NDST3: variants seen among roughly 807,000 people sequenced by gnomAD.
NDST3 encodes the protein bifunctional heparan sulfate N-deacetylase/N-sulfotransferase 3.
NDST3 carries 58 observed loss-of-function variants against 96.1 expected under a neutral mutation model. The observed-to-expected ratio is 0.60, with a 90% confidence interval of 0.49 to 0.75. NDST3 has a LOEUF of 0.75. Among genes scored for constraint, NDST3 ranks in the 30% least tolerant of loss-of-function variants. The pLI, the probability that NDST3 is intolerant of heterozygous loss-of-function variation, is 0.00. For missense variants in NDST3, 788 were observed against 1,034.2 expected, an observed-to-expected ratio of 0.76 and a Z score of 3.27; for synonymous variants, 333 against 359.7, an observed-to-expected ratio of 0.93 and a Z score of 0.84.
chr4:118,057,586 T>C (rs1197060721), intron 2 of NDST3, among the ~76,000 whole-genome samples: 1 of 151,998 alleles, frequency 6.6e-6, no homozygotes, highest in African/African-American at 2.4e-5. Flanking sequence ...ACCAGGAAGC[T>C]GAGATGCTAT....
At chr4:118,253,743 G>A in intron 13 of NDST3, 142 bp downstream of exon 13, 2 of 563,096 alleles carry the variant, frequency 3.6e-6, no homozygotes. Flanking sequence ...GTACAGGTAG[G>A]TTGCTTATTT....
intron 7 of NDST3, among the ~76,000 whole-genome samples, chr4:118,225,718 T>C (rs187968370): frequency 1.3e-5 from 2 of 152,330 alleles, no homozygotes; most frequent in East Asian, 1.9e-4. Flanking sequence ...TTATACTCAA[T>C]GCATTCAGCT....
Position 118,054,551 on chromosome 4 carries a change from C to G in NDST3, c.641C>G (p.Ser214Cys). 1 of 1,613,350 alleles carries G rather than the reference C, an allele frequency of 6.2e-7. No individual in the cohort carries two copies. Among genetic ancestry groups the G allele is most frequent in the Non-Finnish European group, 8.5e-7 (1 of 1,179,490 alleles). Residue 214 changes from serine to cysteine, a missense_variant, in exon 2 of 14, where the codon TCT (serine) becomes TGT (cysteine). Transcript: ENST00000296499. The stretch of plus-strand genomic sequence containing the variant: ...AAATCTTCCAAGCTTGAAAAAGGTT[C>G]TTTACCTGGAACTGACTGGACAGTT... The part of the protein sequence containing the change: ...VTKSSKLEKG[S>C]LPGTDWTVFQ...
At chr4:118,069,559 A>G (rs1026251158) in intron 2 of NDST3, among the ~76,000 whole-genome samples, 42 of 152,142 alleles carry the variant, frequency 2.8e-4, no homozygotes, top group African/African-American at 9.6e-4. Flanking sequence ...TGTAATGAAA[A>G]TAATTAATAT....
intron 2 of NDST3, among the ~76,000 whole-genome samples, chr4:118,096,422 T>A (rs1729308448): frequency 6.6e-6 from 1 of 151,870 alleles, no homozygotes; most frequent in African/African-American, 2.4e-5. Context: ...CCAAAACTGA[T>A]AACCTGATTA....
chr4:118,088,021 A>C (rs1728570918), intron 2 of NDST3, among the ~76,000 whole-genome samples: 1 of 152,040 alleles, frequency 6.6e-6, no homozygotes, highest in Admixed American at 6.6e-5. Context: ...TTTGGTTTCA[A>C]TTTCCACCTT....
At chr4:118,239,883 G>A (rs1447016938) in intron 10 of NDST3, among the ~76,000 whole-genome samples, 1 of 145,252 alleles carries the variant, frequency 6.9e-6, no homozygotes, top group Non-Finnish European at 1.5e-5. Flanking sequence ...GCCTAAGCCT[G>A]AGCAATCCTG....
Position 118,255,839 on chromosome 4 carries a change from T to C in NDST3, c.*127T>C, listed in dbSNP as rs1032757900. On this transcript the variant is annotated 3_prime_UTR_variant, in exon 14 of 14. Coordinates refer to ENST00000296499, the MANE Select transcript of NDST3 (RefSeq NM_004784.3). Reference sequence around the variant, plus strand: ...TGAGAAAAAAGAACAGTTTCTTCCATGTGCTGGCACGTGGATGATTAGAAA... The same window carrying C: ...TGAGAAAAAAGAACAGTTTCTTCCACGTGCTGGCACGTGGATGATTAGAAA... 2.2e-5 allele frequency: 24 copies of C among 1,102,308 alleles called. No homozygotes were observed. Among genetic ancestry groups the C allele is most frequent in the Non-Finnish European group, 3.0e-5 (24 of 799,748 alleles). 68.3% of individuals were successfully genotyped at this position (1,102,308 alleles called of 1,614,324 possible). A position where few individuals can be genotyped will look rare whatever the true frequency, so the allele number is the denominator to read the frequency against.
At chr4:118,095,129 G>T (rs1729188204) in intron 2 of NDST3, among the ~76,000 whole-genome samples, 1 of 151,862 alleles carries the variant, frequency 6.6e-6, no homozygotes, top group Non-Finnish European at 1.5e-5. Flanking sequence ...CACCAAAGAG[G>T]TTATGTGTAA....
rs1446469120 is a variant in NDST3 at position 118,237,085 on chromosome 4, C to G, written c.1983C>G (p.Thr661=). 2.5e-6 allele frequency: 4 copies of G among 1,611,164 alleles called. No homozygotes were observed. In the African/African-American group the frequency reaches 4.0e-5, roughly 16 times the overall value. ...DFFPVPSNVT[T]DFLFEKSANY... ...TCCCAGTCCCATCTAATGTCACTAC[C>G]GACTTTTTGTTTGAGAAGAGTGCCA... The change falls in exon 10 of 14, where the codon ACC becomes ACG. Residue 661 remains threonine, a synonymous_variant. Transcript: ENST00000296499.
intron 2 of NDST3, among the ~76,000 whole-genome samples, chr4:118,103,089 T>C (rs1729893238): frequency 6.6e-6 from 1 of 152,104 alleles, no homozygotes; most frequent in African/African-American, 2.4e-5. Context: ...ATAGTTTTTC[T>C]TATCAAGTTT....
chr4:118,186,406 T>C (rs1258969281), intron 6 of NDST3, among the ~76,000 whole-genome samples: 1 of 152,154 alleles, frequency 6.6e-6, no homozygotes, highest in African/African-American at 2.4e-5. Context: ...TCACAAGGTC[T>C]CACAATAGGC....
intron 6 of NDST3, among the ~76,000 whole-genome samples, chr4:118,166,061 T>C (rs1735528086): frequency 6.6e-6 from 1 of 150,722 alleles, no homozygotes; most frequent in Non-Finnish European, 1.5e-5. Context: ...AAGGAAACAA[T>C]AAAGATTAGA....
At chr4:118,115,054 C>T (rs1730971708) in intron 4 of NDST3, 94 bp downstream of exon 4, 3 of 1,325,406 alleles carry the variant, frequency 2.3e-6, no homozygotes, top group Non-Finnish European at 3.1e-6. Flanking sequence ...TTTTCAGTGG[C>T]TTTTCCATAT....
intron 4 of NDST3, among the ~76,000 whole-genome samples, chr4:118,134,708 G>A (rs1732929464): frequency 6.6e-6 from 1 of 152,104 alleles, no homozygotes; most frequent in South Asian, 2.1e-4. Context: ...GCTGAGATGT[G>A]GAAATCATGA....
intron 4 of NDST3, among the ~76,000 whole-genome samples, chr4:118,137,242 A>C (rs1173114972): frequency 6.6e-6 from 1 of 152,262 alleles, no homozygotes; most frequent in Non-Finnish European, 1.5e-5. Flanking sequence ...CAGAAAAATA[A>C]AAAATAACTT....
chr4:118,167,417 C>A (rs547219348), intron 6 of NDST3, among the ~76,000 whole-genome samples: 1 of 151,896 alleles, frequency 6.6e-6, no homozygotes, highest in Admixed American at 6.6e-5. Flanking sequence ...AAAGAAGATA[C>A]AAATAAATGG....
intron 3 of NDST3, among the ~76,000 whole-genome samples, chr4:118,111,305 A>C (rs1730615643): frequency 6.6e-6 from 1 of 152,066 alleles, no homozygotes; most frequent in East Asian, 1.9e-4. Flanking sequence ...TGTCCCCCCG[A>C]ATCTAAAATA....
intron 6 of NDST3, among the ~76,000 whole-genome samples, chr4:118,178,407 C>T (rs1258114770): frequency 6.6e-6 from 1 of 151,998 alleles, no homozygotes; most frequent in African/African-American, 2.4e-5. Context: ...ATTCCAGGTA[C>T]CTCACTTAAG....
Sources: gnomAD v4.1 joint callset for allele counts (sites outside exome capture counted in the v4.1 genomes callset) on GRCh38, gnomAD v4.1.1 for gene constraint, MANE v1.5 for transcripts, NCBI Gene and HGNC (gene_info 2026-07-23, HGNC 2026-07-21) for gene names.